Variants in ASH1L observed in about 807,000 individuals in gnomAD.
ASH1L encodes ASH1 like histone lysine methyltransferase.
In ASH1L, 23 loss-of-function variants were observed where a neutral mutation model predicts 269.0. That is an observed-to-expected ratio of 0.09 (90% CI 0.06 to 0.12). The LOEUF (loss-of-function observed/expected upper bound fraction) is 0.12, where lower values mean the gene tolerates loss of function less well. Ranked by LOEUF, ASH1L falls within the 10% of genes least tolerant of loss-of-function variation. The pLI, the probability that ASH1L is intolerant of heterozygous loss-of-function variation, is 1.00. For missense variants in ASH1L, 2,912 were observed against 3,567.8 expected, an observed-to-expected ratio of 0.82 and a Z score of 4.68; for synonymous variants, 1,187 against 1,253.5, an observed-to-expected ratio of 0.95 and a Z score of 1.12.
intron 1 of ASH1L, among the ~76,000 whole-genome samples, chr1:155,534,874 C>T (rs1467992257): frequency 6.6e-6 from 1 of 152,088 alleles, no homozygotes; most frequent in African/African-American, 2.4e-5. Flanking sequence ...TTAAACAATG[C>T]AGGTAGATTG....
At chr1:155,429,004 C>A (rs933334658) in intron 5 of ASH1L, among the ~76,000 whole-genome samples, 1 of 151,916 alleles carries the variant, frequency 6.6e-6, no homozygotes, top group Admixed American at 6.6e-5. Context: ...GAGCTGGTCT[C>A]GGCATATATA....
intron 10 of ASH1L, among the ~76,000 whole-genome samples, chr1:155,376,763 G>A (rs560586829): frequency 3.3e-5 from 5 of 151,604 alleles, no homozygotes; most frequent in African/African-American, 9.7e-5. Context: ...GCTGAGGCAG[G>A]AGAATCTCTT....
chr1:155,424,424 T>G (rs1660968068), intron 5 of ASH1L, among the ~76,000 whole-genome samples: 1 of 152,092 alleles, frequency 6.6e-6, no homozygotes, highest in Non-Finnish European at 1.5e-5. Flanking sequence ...TTTTTTTTTT[T>G]GAGACAGAGT....
intron 3 of ASH1L, among the ~76,000 whole-genome samples, chr1:155,470,539 A>C (rs114048224): frequency 0.021 from 3,012 of 140,584 alleles, 103 homozygotes; most frequent in African/African-American, 0.074. Context: ...ATCAACTTTA[A>C]AGCAGAAATT....
In ASH1L at chr1:155,479,620, C is replaced by G. The variant is rs1214446325; in HGVS notation, c.3250G>C (p.Ala1084Pro). 6.2e-7 allele frequency: 1 copy of G among 1,614,202 alleles called. No homozygotes were observed. The highest frequency in any genetic ancestry group is 8.5e-7 in the Non-Finnish European group (1 of 1,180,026). The change falls in exon 3 of 28, where the codon GCA (alanine) becomes CCA (proline). Residue 1084 changes from alanine to proline, a missense_variant. Around this residue, in one of 13 missense-constraint regions of ASH1L, gnomAD observed 157 missense variants for 154.6 expected, o/e 1.02. Transcript: ENST00000392403. ...EQTAQQAAGS[A>P]LGQILPPLLP... ...AATGGGGGAAGAATCTGTCCTAATGCTGACCCAGCTGCCTGTTGAGCTGTT... is the reference window on the plus strand; with the variant it reads ...AATGGGGGAAGAATCTGTCCTAATGGTGACCCAGCTGCCTGTTGAGCTGTT...
upstream of ASH1L, chr1:155,562,854 C>CCCACGGCCACCAACCGCCG (rs1558230768): frequency 2.1e-6 from 1 of 478,872 alleles, no homozygotes; most frequent in Admixed American, 2.4e-5. Context: ...CTTCCCCGCC[C>CCCACGGCCACCAACCGCCG]CCACGGCCAC....
In ASH1L at chr1:155,481,979, T is replaced by C. The variant is rs200853973; in HGVS notation, c.891A>G (p.Val297=). 7.0e-4 allele frequency: 1,124 copies of C among 1,614,180 alleles called. 11 individuals are homozygous for C. The South Asian group carries it at 0.012, about 17-fold the overall frequency. ...TCACAGAGTCCTTATTGACCAATCCTACTGCTGCATTAAACACTGGCTTTT... is the reference window on the plus strand; with the variant it reads ...TCACAGAGTCCTTATTGACCAATCCCACTGCTGCATTAAACACTGGCTTTT... The part of the protein sequence containing the change: ...PGKKPVFNAA[V]GLVNKDSVKK... The change falls in exon 3 of 28, where the codon GTA becomes GTG. Residue 297 remains valine (V), a synonymous_variant. Coordinates refer to ENST00000392403, the MANE Select transcript of ASH1L (RefSeq NM_018489.3).
At chr1:155,371,935 C>G (rs1203432258) in intron 10 of ASH1L, among the ~76,000 whole-genome samples, 1 of 151,878 alleles carries the variant, frequency 6.6e-6, no homozygotes, top group African/African-American at 2.4e-5. Flanking sequence ...CTCAGGTGAT[C>G]CGCCTGCCTC....
intron 5 of ASH1L, chr1:155,433,957 GATCAGCCAC>G (rs750325169): frequency 7.6e-6 from 12 of 1,581,078 alleles, no homozygotes; most frequent in Admixed American, 3.6e-5. Flanking sequence ...CACTGCAGCA[GATCAGCCAC>G]ATCGCCCAGC....
At position 155,478,957 on chromosome 1, in the gene ASH1L, G is replaced by A. The variant is rs1470973826; in HGVS notation, c.3913C>T (p.His1305Tyr). ...ISRLSEIRITHRSHHFIPRDL... is the reference protein window; with the variant it reads ...ISRLSEIRITYRSHHFIPRDL... ...CGGGGGATAAAATGATGACTTCGAT[G>A]AGTGATCCGAATTTCACTTAGGCGA... Residue 1305 changes from histidine (H) to tyrosine (Y), a missense_variant, in exon 3 of 28, where the codon CAT becomes TAT. By Grantham distance (83) the His-to-Tyr change is moderately conservative (BLOSUM62 2). Around this residue, in one of 13 missense-constraint regions of ASH1L, gnomAD observed 789 missense variants for 897.6 expected, o/e 0.88. Transcript: ENST00000392403. This position sits in a 1 kb window ranked among gnomAD's most constrained non-coding sequence, Gnocchi z 4.6. 2 of 1,613,768 alleles carry A rather than the reference G, an allele frequency of 1.2e-6. No homozygotes were observed. The highest frequency in any genetic ancestry group is 1.7e-5 in the Admixed American group (1 of 60,024).
chr1:155,387,952 T>C (rs1296972095), intron 7 of ASH1L, among the ~76,000 whole-genome samples: 2 of 152,184 alleles, frequency 1.3e-5, no homozygotes, highest in Non-Finnish European at 2.9e-5. Flanking sequence ...TATTGGTGTA[T>C]AGGAATGCTA....
At position 155,399,414 on chromosome 1, in the gene ASH1L, G is replaced by A. The variant is rs7536194; in HGVS notation, c.6009-3861C>T. ...TCCAAGCACTTTGGGAAGTAGGGGC[G>A]GGCAGATTACCTGAGGTCGGGAGTT... On this transcript the variant is annotated intron_variant, in intron 6 of 27. Transcript: ENST00000392403. 1.9e-3 allele frequency among the ~76,000 whole-genome samples: 283 copies of A among 152,260 alleles called. 1 individual carries two copies. Among genetic ancestry groups the A allele is most frequent in the African/African-American group, 6.5e-3 (272 of 41,550 alleles).
intron 2 of ASH1L, among the ~76,000 whole-genome samples, chr1:155,488,248 T>C (rs1459045712): frequency 6.6e-6 from 1 of 152,092 alleles, no homozygotes; most frequent in Non-Finnish European, 1.5e-5. Flanking sequence ...AAAACAGAGT[T>C]CATATCCCAC....
At chr1:155,547,354 G>A (rs1263899927) in intron 1 of ASH1L, among the ~76,000 whole-genome samples, 2 of 151,462 alleles carry the variant, frequency 1.3e-5, no homozygotes, top group Non-Finnish European at 2.9e-5. Flanking sequence ...ATTTACAATA[G>A]CGAAGACATG....
At chr1:155,420,530 A>G (rs1010197008) in intron 5 of ASH1L, among the ~76,000 whole-genome samples, 3 of 151,770 alleles carry the variant, frequency 2.0e-5, no homozygotes, top group South Asian at 4.1e-4. Context: ...CATGCAGTAC[A>G]TAAGAGTATA....
At chr1:155,462,207 G>A (rs894605061) in intron 3 of ASH1L, among the ~76,000 whole-genome samples, 1 of 152,166 alleles carries the variant, frequency 6.6e-6, no homozygotes, top group Admixed American at 6.6e-5. Context: ...AAGGTAGGGG[G>A]AAGACTACAA....
At chr1:155,451,475 T>C (rs1354955662) in intron 4 of ASH1L, among the ~76,000 whole-genome samples, 2 of 151,480 alleles carry the variant, frequency 1.3e-5, no homozygotes, top group Non-Finnish European at 2.9e-5. Flanking sequence ...AAATGGGGAG[T>C]CTAGGCAGGC....
Position 155,336,741 on chromosome 1 carries a change from T to C in ASH1L, c.*919A>G, listed in dbSNP as rs1652352588. The C allele has an allele frequency of 6.6e-6, 1 of 152,346 alleles. No individual in the cohort carries two copies. Among genetic ancestry groups the C allele is most frequent in the Non-Finnish European group, 1.5e-5 (1 of 68,028 alleles). 9.4% of individuals were successfully genotyped at this position (152,346 alleles called of 1,614,324 possible). A position where few individuals can be genotyped will look rare whatever the true frequency, so the allele number is the denominator to read the frequency against. On this transcript the variant is annotated 3_prime_UTR_variant, in exon 28 of 28. Transcript: ENST00000392403. ...TAATCTATACTCACAACAAATACTC[T>C]GATAGGTGAATACTGCTGAACAGTT...
chr1:155,514,206 T>C (rs1183917142), intron 2 of ASH1L, among the ~76,000 whole-genome samples: 1 of 152,186 alleles, frequency 6.6e-6, no homozygotes, highest in Non-Finnish European at 1.5e-5. Flanking sequence ...CCAGAGCTGG[T>C]GGGTGGGCAT....
Sources: allele counts gnomAD v4.1 joint callset (sites outside exome capture counted in the v4.1 genomes callset), GRCh38; gene constraint gnomAD v4.1.1; regional missense constraint gnomAD v4.1.1; non-coding constraint Gnocchi (gnomAD v3.1); transcripts MANE v1.5; gene names NCBI Gene and HGNC (gene_info 2026-07-23, HGNC 2026-07-21).